Variants in TTLL1 observed in about 807,000 individuals in gnomAD.
The protein encoded by TTLL1 is TTL family tubulin polyglutamylase complex subunit L1, also known as polyglutamylase complex subunit TTLL1.
A neutral mutation model predicts 47.8 loss-of-function variants in TTLL1; 33 were observed. The observed-to-expected ratio is 0.69, with a 90% confidence interval of 0.52 to 0.92. TTLL1 has a LOEUF of 0.92. TTLL1 is among the 40% of genes least tolerant of loss of function. TTLL1 has a pLI of 0.00. For missense variants in TTLL1, 488 were observed against 547.5 expected (o/e 0.89, Z 1.08); for synonymous variants, 225 against 214.1 (o/e 1.05, Z -0.45).
intron 2 of TTLL1, among the ~76,000 whole-genome samples, chr22:43,077,168 C>T (rs1458056936): frequency 1.3e-5 from 2 of 152,098 alleles, no homozygotes; most frequent in African/African-American, 2.4e-5. Flanking sequence ...CCCCAGGGCA[C>T]TTAAACACAC....
intron 7 of TTLL1, among the ~76,000 whole-genome samples, chr22:43,063,093 T>G (rs1433225384): frequency 1.3e-5 from 2 of 151,996 alleles, no homozygotes; most frequent in African/African-American, 2.4e-5. Flanking sequence ...GCTTGAAAAA[T>G]TGTAAGTTGA....
intron 10 of TTLL1, among the ~76,000 whole-genome samples, chr22:43,045,930 G>A (rs1199150563): frequency 6.6e-6 from 1 of 152,124 alleles, no homozygotes; most frequent in Non-Finnish European, 1.5e-5. Flanking sequence ...CACCCAAACT[G>A]CTTTTCTGGG....
intron 8 of TTLL1, among the ~76,000 whole-genome samples, chr22:43,058,420 C>T (rs763568574): frequency 1.3e-5 from 2 of 152,262 alleles, no homozygotes; most frequent in Admixed American, 6.5e-5. Flanking sequence ...ATTTCCAGCC[C>T]GAAATATCTA....
At position 43,068,788 on chromosome 22, in the gene TTLL1, AC is replaced by A. The variant is rs545028708; in HGVS notation, c.323-199del. ...TTACATTTATAGAGCCTACCTAAGC[AC>A]CTTACAAACCTGTATTTTTCAATCC... On this transcript the variant is annotated intron_variant, in intron 4 of 10. Coordinates refer to ENST00000266254, the MANE Select transcript of TTLL1 (RefSeq NM_012263.5). 2.6e-4 allele frequency among the ~76,000 whole-genome samples: 39 copies of A among 152,152 alleles called. No individual in the cohort carries two copies. In the East Asian group the frequency reaches 6.6e-3, roughly 26 times the overall value.
chr22:43,060,346 G>A (rs1401403467), intron 7 of TTLL1, among the ~76,000 whole-genome samples: 1 of 152,200 alleles, frequency 6.6e-6, no homozygotes, highest in Non-Finnish European at 1.5e-5. Flanking sequence ...ATGTCTGGCT[G>A]ATGCCAGGTG....
Position 43,039,833 on chromosome 22 carries a change from C to T in TTLL1, c.1215G>A (p.Gly405=). 6.2e-7 allele frequency: 1 copy of T among 1,614,018 alleles called. No individual in the cohort carries two copies. Among genetic ancestry groups the T allele is most frequent in the Non-Finnish European group, 8.5e-7 (1 of 1,179,976 alleles). ...ELRSRQGQSL[G]PRAGRSRDSG... is the part of the protein sequence containing the mutation. ...AGTCTCTCGATCGGCCTGCTCTGGG[C>T]CCCAGAGACTGACCCTGACGGCTTC... is the stretch of plus-strand genomic sequence containing the variant. Residue 405 remains glycine, a synonymous_variant, in exon 11 of 11, where the codon GGG becomes GGA. Coordinates refer to ENST00000266254, the MANE Select transcript of TTLL1 (RefSeq NM_012263.5).
At chr22:43,081,651 G>A (rs1928896131) in intron 1 of TTLL1, among the ~76,000 whole-genome samples, 1 of 151,882 alleles carries the variant, frequency 6.6e-6, no homozygotes, top group Admixed American at 6.6e-5. Context: ...CTGGGTTCAA[G>A]CATTCTCTGC....
At chr22:43,041,793 G>A (rs1343929524) in intron 10 of TTLL1, among the ~76,000 whole-genome samples, 1 of 152,208 alleles carries the variant, frequency 6.6e-6, no homozygotes, top group African/African-American at 2.4e-5. Flanking sequence ...TGGGATTACA[G>A]GTGTGAGCCA....
intron 2 of TTLL1, among the ~76,000 whole-genome samples, chr22:43,076,902 C>T (rs1928537252): frequency 1.3e-5 from 2 of 151,834 alleles, no homozygotes; most frequent in African/African-American, 2.4e-5. Context: ...GAGATCGAGA[C>T]CATCCTGGCT....
chr22:43,065,009 G>A (rs5996265), intron 5 of TTLL1, among the ~76,000 whole-genome samples: 13,995 of 151,890 alleles, frequency 0.092, 863 homozygotes, highest in African/African-American at 0.16. Flanking sequence ...GCCAGGCATG[G>A]GGGCGGGTGC....
At chr22:43,058,234 G>A (rs949625269) in intron 8 of TTLL1, among the ~76,000 whole-genome samples, 2 of 152,114 alleles carry the variant, frequency 1.3e-5, no homozygotes, top group Admixed American at 1.3e-4. Context: ...GTGAGCCACA[G>A]CGCCCGGCCC....
chr22:43,089,003 G>T (rs533943548), intron 1 of TTLL1, among the ~76,000 whole-genome samples: 39 of 152,314 alleles, frequency 2.6e-4, no homozygotes, highest in Non-Finnish European at 4.6e-4. Context: ...TAGGAACAAT[G>T]AAAGTCTGGG....
chr22:43,074,508 C>T (rs777031183), intron 3 of TTLL1, among the ~76,000 whole-genome samples: 1 of 151,520 alleles, frequency 6.6e-6, no homozygotes, highest in Admixed American at 6.6e-5. Flanking sequence ...ACTGTTTAGC[C>T]TTTTTCTTCA....
At chr22:43,044,161 C>T (rs1468380982) in intron 10 of TTLL1, among the ~76,000 whole-genome samples, 1 of 152,060 alleles carries the variant, frequency 6.6e-6, no homozygotes, top group Admixed American at 6.6e-5. Context: ...CTTGCCATCG[C>T]AAGCTCCCAA....
In TTLL1 at chr22:43,046,478, A is replaced by C. The variant is rs1472143452; in HGVS notation, c.1074T>G (p.Asn358Lys). ...INDTLNIAVP[N>K]GEIPDCKWNK... ...TCCATTTGCAGTCTGGGATTTCACC[A>C]TTCGGGACGGCGATGTTGAGGGTGT... is the stretch of plus-strand genomic sequence containing the variant. Residue 358 changes from asparagine (N) to lysine (K), a missense_variant, in exon 10 of 11, where the codon AAT (asparagine) becomes AAG (lysine). Physicochemically the swap from Asn to Lys is moderately conservative, Grantham distance 94 (BLOSUM62 0). Transcript: ENST00000266254. 4 of 1,614,070 alleles carry C rather than the reference A, an allele frequency of 2.5e-6. No individual in the cohort carries two copies. The highest frequency in any genetic ancestry group is 1.7e-5 in the Admixed American group (1 of 59,980).
intron 10 of TTLL1, chr22:43,041,196 T>G (rs897012259): frequency 3.3e-5 from 5 of 152,108 alleles, no homozygotes; most frequent in African/African-American, 1.2e-4. Context: ...TAATTCGGAG[T>G]TTTTTGTCCC....
intron 4 of TTLL1, among the ~76,000 whole-genome samples, chr22:43,068,923 GAAAT>G (rs1244536293): frequency 6.6e-6 from 1 of 152,204 alleles, no homozygotes; most frequent in East Asian, 1.9e-4. Context: ...GGTTTGTGAA[GAAAT>G]CTGAAACTAT....
At chr22:43,077,468 T>C (rs76523792) in intron 2 of TTLL1, among the ~76,000 whole-genome samples, 2,543 of 152,272 alleles carry the variant, frequency 0.017, 89 homozygotes, top group Admixed American at 0.088. Context: ...AAGCATCTGC[T>C]GTCCCTGCTG....
intron 5 of TTLL1, among the ~76,000 whole-genome samples, chr22:43,067,736 C>G (rs1415423044): frequency 6.6e-6 from 1 of 151,980 alleles, no homozygotes; most frequent in Non-Finnish European, 1.5e-5. Context: ...TTTGGGAGGC[C>G]GAGGTGGGTG....
Sources: allele counts gnomAD v4.1 joint callset (sites outside exome capture counted in the v4.1 genomes callset), GRCh38; gene constraint gnomAD v4.1.1; transcripts MANE v1.5; gene names NCBI Gene and HGNC (gene_info 2026-07-23, HGNC 2026-07-21).